Variants in UBE4B observed in about 807,000 individuals in gnomAD.
The protein encoded by UBE4B is ubiquitination factor E4B.
Under a neutral mutation model 148.1 loss-of-function variants are expected in UBE4B, and 27 were observed. The observed-to-expected ratio is 0.18, with a 90% CI of 0.13 to 0.25. The LOEUF (loss-of-function observed/expected upper bound fraction) is 0.25, where lower values mean the gene tolerates loss of function less well. Among genes scored for constraint, UBE4B ranks in the 10% least tolerant of loss-of-function variants. The pLI is 1.00. For missense variants in UBE4B, 1,170 were observed against 1,662.4 expected (o/e 0.70, Z 5.15); for synonymous variants, 596 against 619.3 (o/e 0.96, Z 0.56).
rs1268058841 is a variant in UBE4B, at chr1:10,130,877, A to G, written c.1911+64A>G. On this transcript the variant is annotated intron_variant, in intron 14 of 27. Transcript: ENST00000343090. ...GATGAGCTCCAGATACAGAGCTTTTATTTTGTAGACTGGACTATGCCCAGT... is the reference window on the plus strand; with the variant it reads ...GATGAGCTCCAGATACAGAGCTTTTGTTTTGTAGACTGGACTATGCCCAGT... 2.8e-6 allele frequency: 4 copies of G among 1,446,094 alleles called. No homozygotes were observed. The African/African-American group carries it at 5.6e-5, about 20-fold the overall frequency. 89.6% of individuals were successfully genotyped at this position (1,446,094 alleles called of 1,614,324 possible).
chr1:10,178,457 T>A (rs1444326127), intron 25 of UBE4B, among the ~76,000 whole-genome samples, 187 bp from the exon 26 acceptor site: 1 of 152,158 alleles, frequency 6.6e-6, no homozygotes, highest in Non-Finnish European at 1.5e-5. Context: ...GCATAAAAAG[T>A]GCATACTTTT....
Position 10,106,997 on chromosome 1 carries a change from C to T in UBE4B, c.1196+414C>T, listed in dbSNP as rs886173741. Among the ~76,000 whole-genome samples the T allele has an allele frequency of 2.6e-5, 4 of 152,082 alleles. No homozygotes were observed. The highest frequency in any genetic ancestry group is 5.9e-5 in the Non-Finnish European group (4 of 68,016). ...GTTGAGTTTTAGTTATATGTAAGTT[C>T]AGTCTCTTAGAAGGAAGCAGTATCA... On this transcript the variant is annotated intron_variant, in intron 7 of 27. Coordinates refer to ENST00000343090, the MANE Select transcript of UBE4B (RefSeq NM_001105562.3). The surrounding 1 kb of genome is among the most constrained non-coding windows in gnomAD (Gnocchi z 4.2).
intron 7 of UBE4B, chr1:10,107,257 C>G (rs565309784): frequency 7.8e-7 from 1 of 1,289,472 alleles, no homozygotes; most frequent in Admixed American, 2.3e-5. Flanking sequence ...CTCTTCCTCG[C>G]ACTTTCTGGG....
intron 25 of UBE4B, among the ~76,000 whole-genome samples, chr1:10,178,385 C>A (rs1646458432): frequency 1.3e-5 from 2 of 152,146 alleles, no homozygotes; most frequent in South Asian, 2.1e-4. Context: ...CTGCAGCCCT[C>A]TCCAGAGGGA....
At chr1:10,034,517 A>G (rs932625810) in intron 1 of UBE4B, among the ~76,000 whole-genome samples, 2 of 151,714 alleles carry the variant, frequency 1.3e-5, no homozygotes, top group Middle Eastern at 3.2e-3. Context: ...CAATTAGGGT[A>G]CAAGGAATTT....
chr1:10,126,052 G>C (rs999014650), intron 10 of UBE4B, among the ~76,000 whole-genome samples: 2 of 152,208 alleles, frequency 1.3e-5, no homozygotes, highest in African/African-American at 2.4e-5. Flanking sequence ...TGTGATCCCA[G>C]CACTTTGGGA....
At position 10,104,697 on chromosome 1, in the gene UBE4B, CTCTGTCTTACACATGTAAGTGGCAAA is replaced by C. The variant is rs1233539942; in HGVS notation, c.581-793_581-768del. 5.3e-5 allele frequency among the ~76,000 whole-genome samples: 8 copies of C among 152,166 alleles called. No individual in the cohort carries two copies. In the South Asian group the frequency reaches 8.3e-4, roughly 16 times the overall value. ...TATTCTTATTATAAATCTTAAGATT[CTCTGTCTTACACATGTAAGTGGCAAA>C]TCTGTCTTACACATGTAAGTGGCAA... On this transcript the variant is annotated intron_variant, in intron 5 of 27. Coordinates refer to ENST00000343090, the MANE Select transcript of UBE4B (RefSeq NM_001105562.3).
intron 1 of UBE4B, among the ~76,000 whole-genome samples, chr1:10,040,155 C>T (rs1192782503): frequency 6.6e-6 from 1 of 151,440 alleles, no homozygotes; most frequent in African/African-American, 2.4e-5. Context: ...GACAGGGTCT[C>T]CCTCTGTCGC....
chr1:10,069,869 A>G (rs1644453888), intron 1 of UBE4B, among the ~76,000 whole-genome samples: 1 of 152,142 alleles, frequency 6.6e-6, no homozygotes, highest in South Asian at 2.1e-4. Context: ...TGAAGCAGAG[A>G]GCTGTTAAGT....
chr1:10,073,709 A>AT (rs912986369), intron 2 of UBE4B, among the ~76,000 whole-genome samples: 8 of 151,930 alleles, frequency 5.3e-5, no homozygotes, highest in Non-Finnish European at 1.2e-4. Context: ...ATGGCGTGAG[A>AT]TTCTGTCTCA....
chr1:10,044,153 C>G (rs1643870713), intron 1 of UBE4B, among the ~76,000 whole-genome samples: 1 of 151,978 alleles, frequency 6.6e-6, no homozygotes, highest in African/African-American at 2.4e-5. Flanking sequence ...TCAAGCGATT[C>G]TCGTGTCTCA....
chr1:10,174,917 C>A (rs1373641564), intron 25 of UBE4B, among the ~76,000 whole-genome samples: 3 of 152,040 alleles, frequency 2.0e-5, no homozygotes, highest in African/African-American at 7.2e-5. Context: ...ATTGCATTTT[C>A]TTCTTTGGAA....
Position 10,135,164 on chromosome 1 carries a change from G to A in UBE4B, c.2202G>A (p.Val734=), listed in dbSNP as rs930558879. The A allele has an allele frequency of 8.1e-6, 13 of 1,613,690 alleles. No individual in the cohort carries two copies. The highest frequency in any genetic ancestry group is 4.0e-5 in the African/African-American group (3 of 74,904). ...GTGTGAATGCAACGATGGAAGATGT[G>A]AATGACTGGCTGACTGAACTCTGTG... is the stretch of plus-strand genomic sequence containing the variant. ...ETRVNATMED[V]NDWLTELYGD... Residue 734 remains valine, a synonymous_variant, in exon 16 of 28, where the codon GTG becomes GTA. Coordinates refer to ENST00000343090, the MANE Select transcript of UBE4B (RefSeq NM_001105562.3).
chr1:10,167,976 G>A (rs1168742121), intron 23 of UBE4B, among the ~76,000 whole-genome samples, 160 bp from the exon 24 acceptor site: 2 of 152,200 alleles, frequency 1.3e-5, no homozygotes, highest in South Asian at 2.1e-4. Context: ...CTCCGATGCT[G>A]AAAGGATGAA....
intron 2 of UBE4B, among the ~76,000 whole-genome samples, chr1:10,094,069 C>T (rs765908151): frequency 9.2e-5 from 14 of 151,980 alleles, no homozygotes; most frequent in Non-Finnish European, 1.6e-4. Flanking sequence ...TTTGCAAATG[C>T]CTGGGTAAAC....
chr1:10,052,069 ATT>A (rs1276080376), intron 1 of UBE4B, among the ~76,000 whole-genome samples: 5 of 141,952 alleles, frequency 3.5e-5, no homozygotes, highest in Admixed American at 7.1e-5. Flanking sequence ...TAATAGTGTC[ATT>A]TTTTTTTTTT....
At chr1:10,081,453 C>T (rs767332424) in intron 2 of UBE4B, among the ~76,000 whole-genome samples, 16 of 151,712 alleles carry the variant, frequency 1.1e-4, no homozygotes, top group Admixed American at 6.6e-4. Flanking sequence ...TTGAGATGGT[C>T]CCACTCTGTC....
intron 21 of UBE4B, among the ~76,000 whole-genome samples, chr1:10,155,082 A>AGTGT (rs1176473152): frequency 7.5e-5 from 11 of 147,592 alleles, no homozygotes; most frequent in African/African-American, 2.6e-4. Context: ...AGAGAGAGAG[A>AGTGT]GAGTGTGTGT....
intron 2 of UBE4B, among the ~76,000 whole-genome samples, chr1:10,074,806 C>T (rs1644550678): frequency 6.6e-6 from 1 of 152,190 alleles, no homozygotes; most frequent in South Asian, 2.1e-4. Flanking sequence ...TTGTCCTTTC[C>T]ATCCAGCTTT....
Sources: allele counts gnomAD v4.1 joint callset (sites outside exome capture counted in the v4.1 genomes callset), GRCh38; gene constraint gnomAD v4.1.1; non-coding constraint Gnocchi (gnomAD v3.1); transcripts MANE v1.5; gene names NCBI Gene and HGNC (gene_info 2026-07-23, HGNC 2026-07-21).